The following PRKCE variants were observed in gnomAD, a reference collection of about 807,000 sequenced individuals.
PRKCE encodes the protein protein kinase C epsilon.
PRKCE carries 16 observed loss-of-function variants against 85.4 expected under a neutral mutation model. The observed-to-expected ratio is 0.19, with a 90% CI of 0.13 to 0.28. The LOEUF is 0.28. Ranked by LOEUF, PRKCE falls within the 10% of genes least tolerant of loss-of-function variation. PRKCE has a pLI of 1.00. For missense variants in PRKCE, 573 were observed against 975.2 expected (o/e 0.59, Z 5.49); for synonymous variants, 388 against 371.5 (o/e 1.04, Z -0.51).
intron 12 of PRKCE, among the ~76,000 whole-genome samples, chr2:46,147,003 C>G (rs1477930876): frequency 2.0e-5 from 3 of 152,118 alleles, no homozygotes; most frequent in Non-Finnish European, 4.4e-5. Flanking sequence ...CACAGCTGTG[C>G]AGATCAGAAG....
At chr2:45,709,067 G>C (rs1331577345) in intron 1 of PRKCE, among the ~76,000 whole-genome samples, 2 of 152,240 alleles carry the variant, frequency 1.3e-5, no homozygotes, top group African/African-American at 2.4e-5. Context: ...ATTCAGTCTG[G>C]ATGAGACAAG....
intron 2 of PRKCE, among the ~76,000 whole-genome samples, chr2:45,847,739 G>A (rs961013675): frequency 6.6e-6 from 1 of 152,106 alleles, no homozygotes; most frequent in Non-Finnish European, 1.5e-5. Context: ...CTCCACCCCT[G>A]GTTCGATCTT....
chr2:46,182,808 G>A (rs1223896320), intron 14 of PRKCE, among the ~76,000 whole-genome samples: 1 of 152,202 alleles, frequency 6.6e-6, no homozygotes, highest in African/African-American at 2.4e-5. Context: ...CTTGCCTACT[G>A]GCAGGCCTTT....
chr2:45,944,636 G>A (rs1049472605), intron 2 of PRKCE, among the ~76,000 whole-genome samples: 26 of 141,680 alleles, frequency 1.8e-4, no homozygotes, highest in Admixed American at 7.2e-4. Context: ...CTACAGGTGC[G>A]TGCCACCATA....
intron 1 of PRKCE, among the ~76,000 whole-genome samples, chr2:45,701,680 C>G (rs968403516): frequency 7.2e-5 from 11 of 152,128 alleles, no homozygotes; most frequent in African/African-American, 2.7e-4. Flanking sequence ...TTTTGCCCAC[C>G]TCCTAGGTTC....
chr2:46,149,558 C>T (rs1676400618), intron 12 of PRKCE, among the ~76,000 whole-genome samples: 1 of 151,906 alleles, frequency 6.6e-6, no homozygotes, highest in African/African-American at 2.4e-5. Flanking sequence ...TTCCTCTGAG[C>T]CAAACACATC....
At chr2:45,911,364 G>C (rs1053617548) in intron 2 of PRKCE, among the ~76,000 whole-genome samples, 1 of 152,174 alleles carries the variant, frequency 6.6e-6, no homozygotes, top group East Asian at 1.9e-4. Context: ...TGCACTGGAC[G>C]GGAGTGTTTC....
chr2:45,877,860 C>T (rs1448916214), intron 2 of PRKCE, among the ~76,000 whole-genome samples: 1 of 152,318 alleles, frequency 6.6e-6, no homozygotes. Flanking sequence ...TATCTGAGTT[C>T]CTTCCTCAGG....
chr2:45,834,567 G>A (rs981630210), intron 1 of PRKCE, among the ~76,000 whole-genome samples: 2 of 150,800 alleles, frequency 1.3e-5, no homozygotes, highest in Non-Finnish European at 3.0e-5. Context: ...GGACGTATGT[G>A]CAGATCACGT....
intron 1 of PRKCE, among the ~76,000 whole-genome samples, chr2:45,725,826 T>C (rs1681019159): frequency 7.1e-6 from 1 of 141,274 alleles, no homozygotes; most frequent in African/African-American, 2.5e-5. Context: ...TGAGACTCCA[T>C]CTCAAAAAAA....
chr2:46,111,104 A>AT (rs1672210426), intron 11 of PRKCE, among the ~76,000 whole-genome samples: 1 of 152,052 alleles, frequency 6.6e-6, no homozygotes, highest in Non-Finnish European at 1.5e-5. Flanking sequence ...TCTGGTCTGG[A>AT]TGTGATCTAT....
At chr2:45,750,500 C>T (rs1683472226) in intron 1 of PRKCE, among the ~76,000 whole-genome samples, 1 of 152,156 alleles carries the variant, frequency 6.6e-6, no homozygotes, top group Non-Finnish European at 1.5e-5. Context: ...AACTGAGTCC[C>T]AAGGTGGGTA....
chr2:45,761,440 T>C (rs1684491719), intron 1 of PRKCE, among the ~76,000 whole-genome samples: 1 of 152,086 alleles, frequency 6.6e-6, no homozygotes, highest in Non-Finnish European at 1.5e-5. Flanking sequence ...ATTTGCTGTG[T>C]CCCAAGCGCT....
chr2:46,174,658 C>T (rs80323222), intron 14 of PRKCE, among the ~76,000 whole-genome samples: 4,434 of 152,116 alleles, frequency 0.029, 78 homozygotes, highest in East Asian at 0.08. Flanking sequence ...CACACACATG[C>T]CCCACTCATT....
chr2:46,062,399 C>G (rs1667229584), intron 10 of PRKCE, among the ~76,000 whole-genome samples: 1 of 152,140 alleles, frequency 6.6e-6, no homozygotes. Context: ...TAGTCAGACT[C>G]TCTTTCAAAG....
intron 1 of PRKCE, among the ~76,000 whole-genome samples, chr2:45,792,335 A>C (rs1317421285): frequency 6.6e-6 from 1 of 152,206 alleles, no homozygotes; most frequent in East Asian, 1.9e-4. Flanking sequence ...ACCTCTCATG[A>C]GGCCCCACCT....
At chr2:45,744,408 TTTTC>T (rs1418946884) in intron 1 of PRKCE, among the ~76,000 whole-genome samples, 4 of 150,982 alleles carry the variant, frequency 2.6e-5, no homozygotes, top group South Asian at 2.1e-4. Flanking sequence ...TCTCTCTTTC[TTTTC>T]TTTTCTTTCT....
At chr2:45,981,908 G>T (rs775042997) in intron 5 of PRKCE, among the ~76,000 whole-genome samples, 4 of 152,172 alleles carry the variant, frequency 2.6e-5, no homozygotes, top group Non-Finnish European at 5.9e-5. Context: ...GGAAAGGTCC[G>T]ATAAGAGTCC....
chr2:45,757,180 T>C (rs1232235335), intron 1 of PRKCE, among the ~76,000 whole-genome samples: 1 of 151,846 alleles, frequency 6.6e-6, no homozygotes, highest in Non-Finnish European at 1.5e-5. Context: ...AGGTGGTGCA[T>C]GCCTGTAATC....
Sources: gnomAD v4.1 joint callset for allele counts (sites outside exome capture counted in the v4.1 genomes callset) on GRCh38, gnomAD v4.1.1 for gene constraint, MANE v1.5 for transcripts, NCBI Gene and HGNC (gene_info 2026-07-23, HGNC 2026-07-21) for gene names.